The following ALG12 variants were observed in gnomAD, a reference collection of about 807,000 sequenced individuals.
The protein encoded by ALG12 is dol-P-Man:Man(7)GlcNAc(2)-PP-Dol alpha-1,6-mannosyltransferase.
In ALG12, 36 loss-of-function variants were observed where a neutral mutation model predicts 46.0. That is an observed-to-expected ratio of 0.78 (90% confidence interval 0.60 to 1.03). The LOEUF is 1.03. Among genes scored for constraint, ALG12 ranks in the 50% least tolerant of loss-of-function variants. The pLI is 0.00. For missense variants in ALG12, 599 were observed against 633.5 expected (o/e 0.95, Z 0.58); for synonymous variants, 326 against 291.6 (o/e 1.12, Z -1.20).
At chr22:49,898,498 T>C (rs1031449658), downstream of ALG12, among the ~76,000 whole-genome samples, 5 of 151,956 alleles carry the variant, frequency 3.3e-5, no homozygotes, top group African/African-American at 1.2e-4. Flanking sequence ...CAAGTGACTC[T>C]CCTGCCTCAG....
the ALG12 span, among the ~76,000 whole-genome samples, chr22:49,892,315 T>C: frequency 6.6e-6 from 1 of 152,344 alleles, no homozygotes; most frequent in South Asian, 2.1e-4. Flanking sequence ...ACAACATTTT[T>C]TCCTGTTGGG....
At chr22:49,882,374 G>A in the ALG12 span, among the ~76,000 whole-genome samples, 6 of 152,292 alleles carry the variant, frequency 3.9e-5, no homozygotes, top group South Asian at 6.2e-4. Flanking sequence ...CTGTGGTCAC[G>A]CCACTGCACT....
At chr22:49,863,171 T>A in the ALG12 span, among the ~76,000 whole-genome samples, 3 of 152,100 alleles carry the variant, frequency 2.0e-5, no homozygotes, top group South Asian at 6.2e-4. Flanking sequence ...TCTTGTAGAT[T>A]GTGTTTGGTT....
At chr22:49,911,100 G>A (rs141641203) in intron 3 of ALG12, among the ~76,000 whole-genome samples, 1,543 of 152,376 alleles carry the variant, frequency 0.01, 19 homozygotes, top group South Asian at 0.027. Context: ...CTGATGAGGA[G>A]GTGGTGAGGG....
chr22:49,897,833 T>A (rs2060489702), downstream of ALG12, among the ~76,000 whole-genome samples: 1 of 149,486 alleles, frequency 6.7e-6, no homozygotes. Flanking sequence ...TTTTTTTGTA[T>A]TTTTTTTAGT....
At chr22:49,860,575 CTT>C in the ALG12 span, among the ~76,000 whole-genome samples, 69 of 152,002 alleles carry the variant, frequency 4.5e-4, no homozygotes, top group Non-Finnish European at 7.4e-4. Context: ...GACAAATACT[CTT>C]GTTTTATTTT....
chr22:49,885,097 T>C, the ALG12 span: 3 of 1,613,752 alleles, frequency 1.9e-6, no homozygotes, highest in Admixed American at 5.0e-5. Flanking sequence ...CGAGTGTCGG[T>C]ACTGCGGCTG....
At position 49,903,854 on chromosome 22, in the gene ALG12, A is replaced by C; in HGVS notation, c.1451T>G (p.Leu484Arg). The C allele has an allele frequency of 6.2e-7, 1 of 1,614,072 alleles. No individual in the cohort carries two copies. The highest frequency in any genetic ancestry group is 1.1e-5 in the South Asian group (1 of 91,082). ...LQTKLVLLER[L>R]PRPS The stretch of plus-strand genomic sequence containing the variant: ...TGGTCCCCCTCAGGACGGCCGGGGG[A>C]GCCTCTCCAGAAGCACCAGCTTTGT... Residue 484 changes from leucine (L) to arginine (R), a missense_variant, in exon 10 of 10, where the codon CTC becomes CGC. Physicochemically the swap from Leu to Arg is moderately radical, Grantham distance 102. Coordinates refer to ENST00000330817, the MANE Select transcript of ALG12 (RefSeq NM_024105.4).
In ALG12 at chr22:49,913,458, G is replaced by T; in HGVS notation, c.222C>A (p.Ile74=). The T allele has an allele frequency of 6.2e-7, 1 of 1,613,994 alleles. No individual in the cohort carries two copies. Residue 74 remains isoleucine (I), a synonymous_variant, in exon 3 of 10, where the codon ATC becomes ATA. Coordinates refer to ENST00000330817, the MANE Select transcript of ALG12 (RefSeq NM_024105.4). The part of the protein sequence containing the change: ...VPRTFLGPVV[I]AVFSSPAVYV... ...AAACCGCGGGGCTGGAGAACACTGCGATCACCACTGGCCCGAGGAACGTCC... is the reference window on the plus strand; with the variant it reads ...AAACCGCGGGGCTGGAGAACACTGCTATCACCACTGGCCCGAGGAACGTCC...
chr22:49,871,338 T>C, the ALG12 span, among the ~76,000 whole-genome samples: 2 of 152,050 alleles, frequency 1.3e-5, no homozygotes, highest in South Asian at 2.1e-4. Context: ...AATACAAAAT[T>C]AGCTGGGTGT....
At chr22:49,885,980 C>T in the ALG12 span, 70 of 699,876 alleles carry the variant, frequency 1.0e-4, 1 homozygote, top group East Asian at 7.9e-4. Context: ...TTGGACGTGT[C>T]GCAGGTGGAC....
the ALG12 span, among the ~76,000 whole-genome samples, chr22:49,873,640 G>A: frequency 1.5e-5 from 2 of 130,520 alleles, no homozygotes; most frequent in Non-Finnish European, 3.0e-5. Flanking sequence ...CTCCAATTTG[G>A]GGGAAAAAAA....
At chr22:49,917,564 A>G (rs2060619541) in intron 1 of ALG12, among the ~76,000 whole-genome samples, 2 of 152,114 alleles carry the variant, frequency 1.3e-5, no homozygotes, top group Admixed American at 6.5e-5. Context: ...CCAACTTAGG[A>G]GGCTGAGGCA....
the ALG12 span, among the ~76,000 whole-genome samples, chr22:49,894,453 G>A: frequency 3.2e-3 from 483 of 152,280 alleles, 2 homozygotes; most frequent in Non-Finnish European, 5.9e-3. Flanking sequence ...TTCACATATC[G>A]AGTCCAAGGA....
the ALG12 span, among the ~76,000 whole-genome samples, chr22:49,860,416 C>T: frequency 6.6e-6 from 1 of 152,146 alleles, no homozygotes; most frequent in South Asian, 2.1e-4. Flanking sequence ...TTGTTTTGTG[C>T]TAAAATGTGC....
rs2147574817 is a variant in ALG12, at chr22:49,901,906, ATGG to A, written c.*1929_*1931del. 8.5e-6 allele frequency: 1 copy of A among 118,138 alleles called. No homozygotes were observed. Among genetic ancestry groups the A allele is most frequent in the African/African-American group, 3.3e-5 (1 of 30,188 alleles). 7.3% of individuals were successfully genotyped at this position (118,138 alleles called of 1,614,324 possible). A position where few individuals can be genotyped will look rare whatever the true frequency, so the allele number is the denominator to read the frequency against. On this transcript the variant is annotated 3_prime_UTR_variant, in exon 10 of 10. Coordinates refer to ENST00000330817, the MANE Select transcript of ALG12 (RefSeq NM_024105.4). ...GTGCACGTGTGCACTGTGTGTATGCATGGTAATGTGCACGCATGCACTGTGTGT... is the reference window on the plus strand; with the variant it reads ...GTGCACGTGTGCACTGTGTGTATGCATAATGTGCACGCATGCACTGTGTGT...
chr22:49,891,511 G>T, the ALG12 span, among the ~76,000 whole-genome samples: 1 of 152,148 alleles, frequency 6.6e-6, no homozygotes, highest in Non-Finnish European at 1.5e-5. Flanking sequence ...CTCCAATGTT[G>T]TCTTGATCCT....
the ALG12 span, among the ~76,000 whole-genome samples, chr22:49,873,629 C>G: frequency 7.4e-6 from 1 of 134,574 alleles, no homozygotes; most frequent in African/African-American, 4.0e-5. Context: ...TTGCCACAAA[C>G]CTCCAATTTG....
chr22:49,879,143 CA>C, the ALG12 span, among the ~76,000 whole-genome samples: 11 of 128,000 alleles, frequency 8.6e-5, no homozygotes, highest in African/African-American at 1.1e-4. Flanking sequence ...GACTCCATCT[CA>C]AAAAAAAAAC....
Sources: allele counts gnomAD v4.1 joint callset (sites outside exome capture counted in the v4.1 genomes callset), GRCh38; gene constraint gnomAD v4.1.1; transcripts MANE v1.5; gene names NCBI Gene and HGNC (gene_info 2026-07-23, HGNC 2026-07-21).